DMD: variants seen among roughly 807,000 people sequenced by gnomAD.
The protein encoded by DMD is mutant dystrophin.
A neutral mutation model predicts 330.1 loss-of-function variants in DMD; 63 were observed. That is an observed-to-expected ratio of 0.19 (90% CI 0.16 to 0.24). The LOEUF (loss-of-function observed/expected upper bound fraction) is 0.24, where lower values mean the gene tolerates loss of function less well. DMD is among the 10% of genes least tolerant of loss of function. The probability of loss-of-function intolerance (pLI) is 1.00; values close to 1 mark genes in which losing one functional copy is unlikely to be tolerated. For missense variants in DMD, 3,344 were observed against 2,684.1 expected (o/e 1.25, Z -5.43); for synonymous variants, 1,223 against 959.8 (o/e 1.27, Z -5.07).
chrX:31,855,318 C>A (rs958973103), intron 48 of DMD, among the ~76,000 whole-genome samples: 14 of 111,791 alleles, frequency 1.3e-4, no homozygotes, highest in African/African-American at 3.9e-4. Flanking sequence ...TAGAAAGGCA[C>A]ATATTAAACA....
intron 62 of DMD, among the ~76,000 whole-genome samples, chrX:31,281,785 C>T (rs990122538): frequency 3.6e-5 from 4 of 111,538 alleles, no homozygotes; most frequent in African/African-American, 9.8e-5. Flanking sequence ...GAGTTAAGAT[C>T]GTCCCTAAGA....
At chrX:32,334,192 C>G (rs1414922469) in intron 41 of DMD, among the ~76,000 whole-genome samples, 3 of 111,275 alleles carry the variant, frequency 2.7e-5, no homozygotes, top group Non-Finnish European at 3.8e-5. Context: ...TTTTTTAATC[C>G]TTGTAATATG....
chrX:32,887,213 G>A (rs947359670), intron 2 of DMD, among the ~76,000 whole-genome samples: 29 of 109,526 alleles, frequency 2.6e-4, no homozygotes, highest in African/African-American at 9.3e-4. Context: ...CGGGCGTGCT[G>A]ACAGGAGCCT....
intron 2 of DMD, among the ~76,000 whole-genome samples, chrX:32,972,361 A>C (rs1370875772): frequency 9.1e-6 from 1 of 109,711 alleles, no homozygotes. Flanking sequence ...TATTTTTTTT[A>C]TAGAGGTGAG....
At chrX:32,910,876 A>G (rs761524327) in intron 2 of DMD, among the ~76,000 whole-genome samples, 1 of 112,352 alleles carries the variant, frequency 8.9e-6, no homozygotes, top group South Asian at 3.7e-4. Flanking sequence ...CCACAAAGCC[A>G]TGTCTTAGAG....
At chrX:31,882,129 G>A (rs2094081068) in intron 47 of DMD, among the ~76,000 whole-genome samples, 2 of 112,274 alleles carry the variant, frequency 1.8e-5, no homozygotes, top group South Asian at 7.3e-4. Flanking sequence ...ATATGTAAGT[G>A]CAAAGGGCTA....
intron 62 of DMD, among the ~76,000 whole-genome samples, chrX:31,306,911 A>C (rs894811819): frequency 9.0e-6 from 1 of 111,069 alleles, no homozygotes; most frequent in Non-Finnish European, 1.9e-5. Context: ...TTCTGTTCTT[A>C]TTCAGTCTTT....
intron 18 of DMD, 116 bp from the exon 19 acceptor site, chrX:32,501,958 A>C (rs2044101332): frequency 1.8e-6 from 1 of 551,930 alleles, no homozygotes; most frequent in Admixed American, 2.8e-5. Flanking sequence ...TCAGCTTATC[A>C]CGTGAATCTA....
intron 18 of DMD, among the ~76,000 whole-genome samples, chrX:32,503,457 C>T (rs978704697): frequency 1.8e-5 from 2 of 112,400 alleles, no homozygotes; most frequent in Non-Finnish European, 3.8e-5. Context: ...ATTTACTAAG[C>T]ACATTAAATT....
At chrX:32,163,602 A>C (rs145877113) in intron 44 of DMD, among the ~76,000 whole-genome samples, 1,204 of 111,999 alleles carry the variant, frequency 0.011, 14 homozygotes, top group African/African-American at 0.036. Context: ...ATATGACTCT[A>C]AACATGGTAT....
At chrX:31,498,810 T>C (rs767720841) in intron 56 of DMD, among the ~76,000 whole-genome samples, 18 of 112,371 alleles carry the variant, frequency 1.6e-4, no homozygotes, top group Non-Finnish European at 3.2e-4. Context: ...AAGGGTATTA[T>C]TTCCCAAGAA....
At chrX:32,429,449 G>C (rs1440113990) in intron 29 of DMD, among the ~76,000 whole-genome samples, 1 of 84,095 alleles carries the variant, frequency 1.2e-5, no homozygotes, top group Non-Finnish European at 2.1e-5. Flanking sequence ...CTTGTTGGCA[G>C]CCTGGTCTGC....
chrX:31,290,943 A>G (rs986163938), intron 62 of DMD, among the ~76,000 whole-genome samples: 2 of 112,296 alleles, frequency 1.8e-5, no homozygotes, highest in East Asian at 5.5e-4. Flanking sequence ...CACTAAGTAT[A>G]TCATGAAAAT....
At chrX:31,905,921 C>A (rs2094473400) in intron 47 of DMD, among the ~76,000 whole-genome samples, 2 of 111,694 alleles carry the variant, frequency 1.8e-5, no homozygotes, top group South Asian at 7.5e-4. Flanking sequence ...TTCATGAAAT[C>A]TCAGCTTTCT....
At chrX:33,048,658 C>T (rs1186638760) in intron 1 of DMD, among the ~76,000 whole-genome samples, 3 of 90,154 alleles carry the variant, frequency 3.3e-5, no homozygotes, top group Non-Finnish European at 6.3e-5. Flanking sequence ...CATGCTACTG[C>T]ACTCCAGCCT....
chrX:31,972,654 A>G (rs1220651811), intron 44 of DMD, among the ~76,000 whole-genome samples: 1 of 111,635 alleles, frequency 9.0e-6, no homozygotes, highest in Non-Finnish European at 1.9e-5. Flanking sequence ...TAGAGGGAAG[A>G]AAAAGGAAAC....
intron 52 of DMD, among the ~76,000 whole-genome samples, chrX:31,721,719 T>C (rs1415415316): frequency 3.8e-4 from 17 of 45,286 alleles, no homozygotes; most frequent in South Asian, 1.2e-3. Flanking sequence ...TCTCTCTCTC[T>C]ATATATATAT....
chrX:32,075,724 C>G (rs1334921444), intron 44 of DMD, among the ~76,000 whole-genome samples: 1 of 109,434 alleles, frequency 9.1e-6, no homozygotes, highest in Non-Finnish European at 1.9e-5. Flanking sequence ...AACATCTTTC[C>G]AGTGTTACAG....
chrX:32,328,742 C>G (rs1195852543), intron 41 of DMD, among the ~76,000 whole-genome samples: 1 of 108,948 alleles, frequency 9.2e-6, no homozygotes, highest in Non-Finnish European at 1.9e-5. Flanking sequence ...TTTACTTTTT[C>G]TAGTAAAGGA....
Sources: gnomAD v4.1 joint callset for allele counts (sites outside exome capture counted in the v4.1 genomes callset) on GRCh38, gnomAD v4.1.1 for gene constraint, MANE v1.5 for transcripts, NCBI Gene and HGNC (gene_info 2026-07-23, HGNC 2026-07-21) for gene names.